Variants in NTM observed in about 807,000 individuals in gnomAD.
NTM encodes neurotrimin.
Under a neutral mutation model 42.1 loss-of-function variants are expected in NTM, and 13 were observed. The observed-to-expected ratio is 0.31, with a 90% CI of 0.20 to 0.49. The LOEUF (loss-of-function observed/expected upper bound fraction) is 0.49. NTM is among the 20% of genes least tolerant of loss of function. The probability of loss-of-function intolerance (pLI) is 0.99; values close to 1 mark genes in which losing one functional copy is unlikely to be tolerated. For synonymous variants in NTM, 187 were observed against 179.2 expected (o/e 1.04, Z -0.35); for missense variants, 373 against 452.8 (o/e 0.82, Z 1.60).
chr11:132,142,514 C>T (rs866728991), intron 2 of NTM, among the ~76,000 whole-genome samples: 3 of 152,064 alleles, frequency 2.0e-5, no homozygotes, highest in Admixed American at 6.5e-5. Context: ...AACCGAGGAG[C>T]GATGTGTCCT....
intron 1 of NTM, among the ~76,000 whole-genome samples, chr11:131,635,982 C>T (rs2064317308): frequency 6.6e-6 from 1 of 152,162 alleles, no homozygotes. Flanking sequence ...TGGCTTAGGA[C>T]CCCTACGCTC....
chr11:131,877,629 C>T (rs1318011407), intron 1 of NTM: 1 of 152,124 alleles, frequency 6.6e-6, no homozygotes, highest in African/African-American at 2.4e-5. Flanking sequence ...CTCCATTTTT[C>T]TTTCTTTAAA....
intron 4 of NTM, among the ~76,000 whole-genome samples, chr11:132,252,974 T>C (rs181900152): frequency 1.5e-3 from 229 of 152,370 alleles, no homozygotes; most frequent in Non-Finnish European, 2.7e-3. Context: ...AAAGATGTCC[T>C]CTTTGCAGAA....
At chr11:132,122,673 G>C (rs1339013146) in intron 2 of NTM, among the ~76,000 whole-genome samples, 1 of 152,176 alleles carries the variant, frequency 6.6e-6, no homozygotes, top group Non-Finnish European at 1.5e-5. Context: ...CAGAGCCCCA[G>C]GGGTGTCCTG....
intron 1 of NTM, among the ~76,000 whole-genome samples, chr11:131,837,078 A>G (rs945437425): frequency 6.6e-6 from 1 of 152,242 alleles, no homozygotes; most frequent in Non-Finnish European, 1.5e-5. Flanking sequence ...ACAAAACTTA[A>G]AACAAGAGTC....
chr11:131,915,499 A>G lies in NTM; in HGVS notation c.167+3851A>G, dbSNP rs145409107. Among the ~76,000 whole-genome samples the G allele has an allele frequency of 6.4e-3, 981 of 152,268 alleles. 11 individuals carry two copies. The highest frequency in any genetic ancestry group is 0.023 in the African/African-American group (947 of 41,552). On this transcript the variant is annotated intron_variant, in intron 2 of 8. Coordinates refer to ENST00000683400, the MANE Select transcript of NTM (RefSeq NM_001352005.2). ...AGCCAAACAACGATATCCCCCAGCT[A>G]TATTCAGTTTATCTCCTTACCACAT...
In NTM at chr11:132,299,314, A is replaced by C. The variant is rs576896642; in HGVS notation, c.527-8375A>C. ...TGTCTCAAAAAAACAAAACAAAACA[A>C]AACAAAAAATACTATTCATTTGCAT... On this transcript the variant is annotated intron_variant, in intron 4 of 8. Transcript: ENST00000683400. Among the ~76,000 whole-genome samples the C allele has an allele frequency of 4.7e-4, 72 of 152,262 alleles. 1 individual carries two copies. Among genetic ancestry groups the C allele is most frequent in the Admixed American group, 1.1e-3 (17 of 15,296 alleles).
intron 2 of NTM, among the ~76,000 whole-genome samples, chr11:132,025,024 C>G (rs531607529): frequency 2.0e-5 from 3 of 152,316 alleles, no homozygotes; most frequent in East Asian, 3.9e-4. Flanking sequence ...TGTCTCTCCA[C>G]TGACTGGAGA....
At chr11:131,753,360 A>G (rs1266506408) in intron 1 of NTM, among the ~76,000 whole-genome samples, 3 of 149,404 alleles carry the variant, frequency 2.0e-5, no homozygotes, top group Non-Finnish European at 4.4e-5. Flanking sequence ...AGAACTAGAA[A>G]TACCATTTGA....
intron 2 of NTM, among the ~76,000 whole-genome samples, chr11:132,085,104 C>G (rs1442500509): frequency 6.6e-6 from 1 of 152,314 alleles, no homozygotes; most frequent in Non-Finnish European, 1.5e-5. Context: ...CCTTCTATAA[C>G]TTGTTTAAAC....
At chr11:131,609,836 C>A (rs115802260) in intron 1 of NTM, among the ~76,000 whole-genome samples, 1,553 of 152,330 alleles carry the variant, frequency 0.01, 28 homozygotes, top group African/African-American at 0.036. Context: ...TAAGGTCACT[C>A]TTCCCTCTCA....
intron 1 of NTM, among the ~76,000 whole-genome samples, chr11:131,565,447 G>A (rs1207320420): frequency 6.6e-6 from 1 of 152,172 alleles, no homozygotes; most frequent in Non-Finnish European, 1.5e-5. Flanking sequence ...GTGAGAGCGG[G>A]GTTGGTTCTG....
Position 131,878,586 on chromosome 11 carries a change from AAAAAAAAAATATATATATATATATATAT to A in NTM, c.83-32976_83-32949del, listed in dbSNP as rs1407155004. On this transcript the variant is annotated intron_variant, in intron 1 of 8. Coordinates refer to ENST00000683400, the MANE Select transcript of NTM (RefSeq NM_001352005.2). ...CTCCATCTCAAAAAAAAAAAAAAAA[AAAAAAAAAATATATATATATATATATAT>A]ATATATATATATATATATATATATA... 3.6e-4 allele frequency among the ~76,000 whole-genome samples: 20 copies of A among 54,870 alleles called. 2 individuals carry two copies. The highest frequency in any genetic ancestry group is 1.4e-3 in the East Asian group (2 of 1,416). The allele number at this position is 54,870 out of a possible 152,430, so 36.0% of individuals were successfully genotyped here. A position where few individuals can be genotyped will look rare whatever the true frequency, so the allele number is the denominator to read the frequency against.
intron 1 of NTM, among the ~76,000 whole-genome samples, chr11:131,679,053 G>A (rs2071945393): frequency 6.6e-6 from 1 of 152,184 alleles, no homozygotes; most frequent in South Asian, 2.1e-4. Context: ...AGCAGCTGCT[G>A]CCCCTGTCCA....
intron 1 of NTM, among the ~76,000 whole-genome samples, chr11:131,662,879 C>T (rs1368073026): frequency 6.6e-6 from 1 of 151,988 alleles, no homozygotes; most frequent in Non-Finnish European, 1.5e-5. Context: ...TCAGAATTTC[C>T]CATTAATAAG....
chr11:131,398,148 T>C (rs2135654147), intron 1 of NTM, among the ~76,000 whole-genome samples: 1 of 152,292 alleles, frequency 6.6e-6, no homozygotes, highest in South Asian at 2.1e-4. Flanking sequence ...GATAAGACCT[T>C]ATCATAATGT....
intron 2 of NTM, among the ~76,000 whole-genome samples, chr11:132,066,593 G>A (rs548988424): frequency 3.3e-5 from 5 of 152,244 alleles, no homozygotes; most frequent in South Asian, 2.1e-4. Flanking sequence ...TGGCAGAGCC[G>A]CAGGAGCGTA....
At position 131,789,601 on chromosome 11, in the gene NTM, G is replaced by GA. The variant is rs1565552558; in HGVS notation, c.83-121961dup. Among the ~76,000 whole-genome samples, 2 of 80,644 alleles carry GA rather than the reference G, an allele frequency of 2.5e-5. 1 individual carries two copies. Among genetic ancestry groups the GA allele is most frequent in the Non-Finnish European group, 4.8e-5 (2 of 41,800 alleles). The allele number at this position is 80,644 out of a possible 152,430, so 52.9% of individuals were successfully genotyped here. On this transcript the variant is annotated intron_variant, in intron 1 of 8. Coordinates refer to ENST00000683400, the MANE Select transcript of NTM (RefSeq NM_001352005.2). ...AGAAGAAGAAGAAGAAGAAGAAGAAGAAGAAGAAGAAGAAGAAGAAGAAGA... is the reference window on the plus strand; with the variant it reads ...AGAAGAAGAAGAAGAAGAAGAAGAAGAAAGAAGAAGAAGAAGAAGAAGAAGA...
intron 4 of NTM, among the ~76,000 whole-genome samples, chr11:132,229,108 C>T (rs1173284620): frequency 6.6e-6 from 1 of 152,190 alleles, no homozygotes; most frequent in Non-Finnish European, 1.5e-5. Context: ...CCGTGATCAC[C>T]TCCTTCCCAC....
Sources: gnomAD v4.1 joint callset for allele counts (sites outside exome capture counted in the v4.1 genomes callset) on GRCh38, gnomAD v4.1.1 for gene constraint, MANE v1.5 for transcripts, NCBI Gene and HGNC (gene_info 2026-07-23, HGNC 2026-07-21) for gene names.